TRPM6: variants seen among roughly 807,000 people sequenced by gnomAD.
TRPM6 encodes the protein channel kinase 2.
TRPM6 carries 111 observed loss-of-function variants against 247.6 expected under a neutral mutation model. That is an observed-to-expected ratio of 0.45 (90% CI 0.38 to 0.52). The LOEUF (loss-of-function observed/expected upper bound fraction) is 0.52, where lower values mean the gene tolerates loss of function less well. TRPM6 is among the 20% of genes least tolerant of loss of function. TRPM6 has a pLI of 0.00. For missense variants in TRPM6, 2,126 were observed against 2,421.5 expected, an observed-to-expected ratio of 0.88 and a Z score of 2.56; for synonymous variants, 892 against 853.8, an observed-to-expected ratio of 1.04 and a Z score of -0.78.
At chr9:74,872,615 T>TGTGTGTGTGC (rs1554737869) in intron 1 of TRPM6, among the ~76,000 whole-genome samples, 116 of 151,740 alleles carry the variant, frequency 7.6e-4, no homozygotes, top group African/African-American at 2.6e-3. Flanking sequence ...TGTGTGTGTG[T>TGTGTGTGTGC]GTGTGTGTGC....
chr9:74,845,113 C>A (rs1376292086), intron 3 of TRPM6, among the ~76,000 whole-genome samples: 1 of 152,084 alleles, frequency 6.6e-6, no homozygotes, highest in Non-Finnish European at 1.5e-5. Context: ...ATTGTCATAA[C>A]AGATACAATA....
chr9:74,771,493 C>G (rs1172399454), intron 25 of TRPM6, among the ~76,000 whole-genome samples: 1 of 152,226 alleles, frequency 6.6e-6, no homozygotes, highest in Non-Finnish European at 1.5e-5. Context: ...TTATTAACCA[C>G]TTATTCCTAG....
At chr9:74,880,742 C>G (rs568099793) in intron 1 of TRPM6, among the ~76,000 whole-genome samples, 1 of 152,088 alleles carries the variant, frequency 6.6e-6, no homozygotes, top group African/African-American at 2.4e-5. Context: ...TGAAAATACA[C>G]GAAAGTATAA....
chr9:74,735,853 T>G (rs1431622806), intron 36 of TRPM6, among the ~76,000 whole-genome samples: 1 of 152,186 alleles, frequency 6.6e-6, no homozygotes, highest in African/African-American at 2.4e-5. Context: ...GGGTTAGTTA[T>G]TGGCACTCCC....
rs78719948 is a variant in TRPM6, at chr9:74,782,493, T to A, written c.3095-17A>T. ...TTGAACAAACTACAAATAAAGAATTTTAAAAGAATGAAAGATAAGATGAAT... is the reference window on the plus strand; with the variant it reads ...TTGAACAAACTACAAATAAAGAATTATAAAAGAATGAAAGATAAGATGAAT... On this transcript the variant is annotated splice_polypyrimidine_tract_variant and intron_variant, in intron 22 of 38. Coordinates refer to ENST00000360774, the MANE Select transcript of TRPM6 (RefSeq NM_017662.5). 1.4e-3 allele frequency: 2,206 copies of A among 1,596,816 alleles called. 29 individuals are homozygous for A. The East Asian group carries it at 0.029, about 21-fold the overall frequency.
intron 6 of TRPM6, among the ~76,000 whole-genome samples, chr9:74,830,766 T>G (rs1266579099): frequency 6.3e-5 from 9 of 141,916 alleles, no homozygotes; most frequent in East Asian, 2.0e-4. Flanking sequence ...TTTTTTTTTT[T>G]TTTTTTTTTT....
chr9:74,795,169 T>C (rs1054474697), intron 18 of TRPM6, among the ~76,000 whole-genome samples: 2 of 152,138 alleles, frequency 1.3e-5, no homozygotes, highest in Admixed American at 6.6e-5. Flanking sequence ...TCCACGTCCA[T>C]TGCTACTGAC....
chr9:74,739,700 G>A, intron 34 of TRPM6, 23 bp downstream of exon 34: 1 of 1,608,912 alleles, frequency 6.2e-7, no homozygotes, highest in South Asian at 1.1e-5. Flanking sequence ...TCTGGGCTAT[G>A]GGTCTCTGAG....
intron 23 of TRPM6, among the ~76,000 whole-genome samples, chr9:74,779,292 C>A (rs1284372781): frequency 3.3e-5 from 5 of 152,018 alleles, no homozygotes; most frequent in Non-Finnish European, 5.9e-5. Context: ...CCCATGCCCC[C>A]ACAAAAAACT....
intron 17 of TRPM6, chr9:74,799,936 G>C: frequency 2.6e-6 from 1 of 390,390 alleles, no homozygotes; most frequent in South Asian, 2.4e-5. Flanking sequence ...TCACCCCATT[G>C]ATCGCCAGGG....
intron 3 of TRPM6, among the ~76,000 whole-genome samples, chr9:74,845,480 T>C (rs1830080100): frequency 6.6e-6 from 1 of 152,150 alleles, no homozygotes; most frequent in Non-Finnish European, 1.5e-5. Context: ...TTCTGACATA[T>C]GCTATAACAT....
intron 3 of TRPM6, among the ~76,000 whole-genome samples, chr9:74,843,355 A>G (rs545121407): frequency 2.4e-4 from 37 of 152,090 alleles, no homozygotes; most frequent in Non-Finnish European, 4.3e-4. Context: ...AACTCTCATT[A>G]ATGTTGCATT....
In TRPM6 at chr9:74,805,559, T is replaced by G. The variant is rs201099533; in HGVS notation, c.1639-1673A>C. On this transcript the variant is annotated intron_variant, in intron 14 of 38. Coordinates refer to ENST00000360774, the MANE Select transcript of TRPM6 (RefSeq NM_017662.5). ...GTTGCTTAAGTAACATGTCTCAGAA[T>G]GTGACAAATACGTGCTATCTGTGAA... 3.9e-5 allele frequency among the ~76,000 whole-genome samples: 6 copies of G among 152,208 alleles called. No individual in the cohort carries two copies. The East Asian group carries it at 1.2e-3, about 29-fold the overall frequency.
At chr9:74,748,893 T>C (rs896195788) in intron 30 of TRPM6, among the ~76,000 whole-genome samples, 6 of 152,142 alleles carry the variant, frequency 3.9e-5, no homozygotes, top group African/African-American at 7.2e-5. Flanking sequence ...TTCACATTCT[T>C]TCAGCACTCA....
chr9:74,799,182 C>T (rs1291802105), intron 17 of TRPM6, among the ~76,000 whole-genome samples: 2 of 152,082 alleles, frequency 1.3e-5, no homozygotes, highest in Non-Finnish European at 2.9e-5. Context: ...TCTCTTATTT[C>T]TATAATTTCA....
chr9:74,733,898 G>A (rs1825606979), intron 36 of TRPM6, among the ~76,000 whole-genome samples: 2 of 152,302 alleles, frequency 1.3e-5, no homozygotes, highest in African/African-American at 4.8e-5. Context: ...CAGTAGAATA[G>A]AAACCACCAA....
At chr9:74,772,352 T>C (rs1206094309) in intron 24 of TRPM6, among the ~76,000 whole-genome samples, 1 of 152,212 alleles carries the variant, frequency 6.6e-6, no homozygotes, top group East Asian at 1.9e-4. Context: ...AAATGACTCA[T>C]ATATAGAATT....
At chr9:74,769,381 T>A (rs1826938069) in intron 25 of TRPM6, among the ~76,000 whole-genome samples, 1 of 152,106 alleles carries the variant, frequency 6.6e-6, no homozygotes, top group African/African-American at 2.4e-5. Flanking sequence ...GCTCCTGATG[T>A]CAAGTGATCC....
chr9:74,856,671 G>T (rs1364799983), intron 2 of TRPM6, among the ~76,000 whole-genome samples: 2 of 151,940 alleles, frequency 1.3e-5, no homozygotes, highest in Non-Finnish European at 2.9e-5. Context: ...AAATGAGAAG[G>T]AAAAAGATGT....
Sources: allele counts gnomAD v4.1 joint callset (sites outside exome capture counted in the v4.1 genomes callset), GRCh38; gene constraint gnomAD v4.1.1; transcripts MANE v1.5; gene names NCBI Gene and HGNC (gene_info 2026-07-23, HGNC 2026-07-21).